TMEM223: variants seen among roughly 807,000 people sequenced by gnomAD.
TMEM223 encodes transmembrane protein 223.
Under a neutral mutation model 14.1 loss-of-function variants are expected in TMEM223, and 14 were observed. The observed-to-expected ratio is 0.99, with a 90% CI of 0.66 to 1.55. The LOEUF (loss-of-function observed/expected upper bound fraction) is 1.55, where lower values mean the gene tolerates loss of function less well. TMEM223 is among the 40% of genes most tolerant of loss of function. The pLI is 0.00. For missense variants in TMEM223, 346 were observed against 269.9 expected (o/e 1.28, Z -1.97); for synonymous variants, 145 against 120.5 (o/e 1.20, Z -1.33).
At chr11:62,771,524 C>T (rs936786021), downstream of TMEM223, 1 of 159,154 alleles carries the variant, frequency 6.3e-6, no homozygotes, top group African/African-American at 2.4e-5. Flanking sequence ...AAGGACTCCC[C>T]ATTCCCGACG....
downstream of TMEM223, chr11:62,786,340 T>C (rs2084275266): frequency 1.9e-6 from 3 of 1,614,210 alleles, no homozygotes; most frequent in Non-Finnish European, 2.5e-6. Context: ...ATTCAGTATC[T>C]AATGCCCAGG....
intron 1 of TMEM223, among the ~76,000 whole-genome samples, chr11:62,781,516 T>A (rs531597847): frequency 1.3e-5 from 2 of 150,068 alleles, no homozygotes; most frequent in East Asian, 4.0e-4. Flanking sequence ...TACTAAAAAA[T>A]AGAAAAAATT....
intron 1 of TMEM223, chr11:62,775,771 C>T (rs760061154): frequency 1.2e-6 from 2 of 1,600,798 alleles, no homozygotes; most frequent in South Asian, 1.1e-5. Flanking sequence ...CCACTCCCAG[C>T]TCCACTGGGG....
At chr11:62,789,399 CCAT>C (rs1268055730), downstream of TMEM223, 5 of 1,613,836 alleles carry the variant, frequency 3.1e-6, no homozygotes, top group East Asian at 8.9e-5. Flanking sequence ...CTCTGCAACT[CCAT>C]CATCTCCTTG....
At chr11:62,783,348 G>A (rs2084244724), downstream of TMEM223, among the ~76,000 whole-genome samples, 1 of 152,004 alleles carries the variant, frequency 6.6e-6, no homozygotes, top group Non-Finnish European at 1.5e-5. Flanking sequence ...CTGGTGTGGT[G>A]GCGGGCGCCT....
At chr11:62,786,510 C>T (rs781258697), downstream of TMEM223, 6 of 1,561,200 alleles carry the variant, frequency 3.8e-6, no homozygotes, top group East Asian at 6.8e-5. Context: ...GTCCTTGGCT[C>T]TTACAGGTGG....
chr11:62,783,180 G>A (rs958015636), downstream of TMEM223, among the ~76,000 whole-genome samples: 15 of 152,098 alleles, frequency 9.9e-5, no homozygotes, highest in East Asian at 9.6e-4. Flanking sequence ...ATGATTATAC[G>A]CTTTAAAAAT....
At chr11:62,791,591 G>C in intron 1 of TMEM223, 88 bp downstream of exon 1, 4 of 1,385,300 alleles carry the variant, frequency 2.9e-6, no homozygotes, top group Non-Finnish European at 3.8e-6. Context: ...CTCTCGGATA[G>C]GGAGTCCCTG....
At chr11:62,777,391 G>T (rs994245223) in intron 1 of TMEM223, among the ~76,000 whole-genome samples, 2 of 152,308 alleles carry the variant, frequency 1.3e-5, no homozygotes, top group Admixed American at 6.5e-5. Context: ...GATAGCAACA[G>T]CAGACCAGGT....
chr11:62,788,676 C>CA (rs5792270), downstream of TMEM223, among the ~76,000 whole-genome samples: 63,182 of 122,198 alleles, frequency 0.52, 18,278 homozygotes, highest in Non-Finnish European at 0.69. Context: ...TGCACTCCAG[C>CA]AAAAAAAAAA....
At chr11:62,779,959 T>C (rs2084215138) in intron 1 of TMEM223, among the ~76,000 whole-genome samples, 1 of 67,896 alleles carries the variant, frequency 1.5e-5, no homozygotes, top group Non-Finnish European at 3.7e-5. Flanking sequence ...AGCCTATATA[T>C]ATATATATAT....
At chr11:62,782,606 C>G, downstream of TMEM223, 1 of 1,560,684 alleles carries the variant, frequency 6.4e-7, no homozygotes, top group Admixed American at 1.7e-5. Context: ...GTGTGCTGTA[C>G]AGATGCTATT....
chr11:62,771,722 GCCT>G (rs1481818863), exon 3 of TMEM223: 25 of 201,820 alleles, frequency 1.2e-4, no homozygotes, highest in Non-Finnish European at 6.3e-5. Context: ...CAGTTCCCAC[GCCT>G]CCTCTCCAGC....
intron 1 of TMEM223, chr11:62,782,404 C>A: frequency 6.6e-7 from 1 of 1,504,490 alleles, no homozygotes; most frequent in Non-Finnish European, 9.0e-7. Flanking sequence ...GGAAATGGGG[C>A]GAAGCCTCTG....
chr11:62,775,127 T>TG (rs1163891101), intron 1 of TMEM223, among the ~76,000 whole-genome samples: 1 of 150,508 alleles, frequency 6.6e-6, no homozygotes, highest in Non-Finnish European at 1.5e-5. Flanking sequence ...ACTGACTCAA[T>TG]GCTGGGGAGG....
chr11:62,790,849 G>A lies in TMEM223; in HGVS notation c.383C>T (p.Ala128Val). Residue 128 changes from alanine (A) to valine (V), a missense_variant, in exon 2 of 2, where the codon GCT (alanine) becomes GTT (valine). By Grantham distance (64) the Ala-to-Val change is moderately conservative. Transcript: ENST00000307366. ...GGTGAGGGTCACCTGCTGCCCTCCAGCTCGAAGCACCACTGAGCGCACAGA... is the reference window on the plus strand; with the variant it reads ...GGTGAGGGTCACCTGCTGCCCTCCAACTCGAAGCACCACTGAGCGCACAGA... Reference protein sequence around the residue: ...LRSVRSVVLRAGGQQVTLTTH... With the variant: ...LRSVRSVVLRVGGQQVTLTTH... 1 of 1,605,052 alleles carries A rather than the reference G, an allele frequency of 6.2e-7. No individual in the cohort carries two copies.
intron 1 of TMEM223, 139 bp downstream of exon 1, chr11:62,791,540 G>T: frequency 8.8e-7 from 1 of 1,136,122 alleles, no homozygotes; most frequent in Non-Finnish European, 1.2e-6. Flanking sequence ...GCCGCGCCCG[G>T]CCAGTGTTTC....
exon 3 of TMEM223, chr11:62,772,071 GCTTA>G (rs1013975373): frequency 4.8e-5 from 22 of 456,150 alleles, no homozygotes; most frequent in African/African-American, 4.0e-4. Flanking sequence ...CTTACTCAGT[GCTTA>G]CTTCATGATC....
downstream of TMEM223, among the ~76,000 whole-genome samples, chr11:62,788,463 G>C (rs997839813): frequency 5.9e-5 from 9 of 152,160 alleles, no homozygotes; most frequent in African/African-American, 1.9e-4. Flanking sequence ...CCAGCACTTT[G>C]GGAGGCCGTG....
Sources: gnomAD v4.1 joint callset for allele counts (sites outside exome capture counted in the v4.1 genomes callset) on GRCh38, gnomAD v4.1.1 for gene constraint, MANE v1.5 for transcripts, NCBI Gene and HGNC (gene_info 2026-07-23, HGNC 2026-07-21) for gene names.